The following EBF1 variants were observed in gnomAD, a reference collection of about 807,000 sequenced individuals.
EBF1 encodes EBF transcription factor 1, also known as transcription factor COE1.
EBF1 carries 10 observed loss-of-function variants against 68.4 expected under a neutral mutation model. The ratio of observed to expected loss-of-function variants is 0.15; its 90% CI spans 0.09 to 0.25. The LOEUF is 0.25. EBF1 is among the 10% of genes least tolerant of loss of function. EBF1 has a pLI of 1.00. For synonymous variants in EBF1, 298 were observed against 299.8 expected (o/e 0.99, Z 0.06); for missense variants, 509 against 794.4 (o/e 0.64, Z 4.32).
At chr5:158,998,081 T>C (rs1441343104) in intron 6 of EBF1, among the ~76,000 whole-genome samples, 1 of 152,126 alleles carries the variant, frequency 6.6e-6, no homozygotes, top group East Asian at 1.9e-4. Context: ...TCCCATCAAT[T>C]AGGACAGCCA....
intron 6 of EBF1, among the ~76,000 whole-genome samples, chr5:158,867,648 A>G (rs951818433): frequency 8.7e-5 from 8 of 92,304 alleles, no homozygotes; most frequent in Non-Finnish European, 1.6e-4. Context: ...AGGGCAGACA[A>G]TTCTCACCTG....
chr5:159,051,601 T>G (rs1034001994), intron 6 of EBF1, among the ~76,000 whole-genome samples: 27 of 151,542 alleles, frequency 1.8e-4, no homozygotes, highest in Middle Eastern at 3.4e-3. Context: ...GGCTCGGTGC[T>G]CCGCTGCCCA....
At chr5:158,917,365 C>T (rs554755447) in intron 6 of EBF1, among the ~76,000 whole-genome samples, 8 of 152,260 alleles carry the variant, frequency 5.3e-5, no homozygotes, top group African/African-American at 1.7e-4. Context: ...TTATAACACT[C>T]GGAGGATTTC....
At chr5:158,714,517 G>T (rs755512536) in intron 11 of EBF1, among the ~76,000 whole-genome samples, 8 of 152,176 alleles carry the variant, frequency 5.3e-5, no homozygotes, top group Non-Finnish European at 2.9e-5. Context: ...TTCAGTCGTG[G>T]TATGAATCCC....
At chr5:158,814,616 G>A (rs901242933) in intron 8 of EBF1, among the ~76,000 whole-genome samples, 1 of 152,070 alleles carries the variant, frequency 6.6e-6, no homozygotes. Flanking sequence ...CTAGCATGAG[G>A]TTTACAAACT....
chr5:159,048,516 T>C (rs1772901316), intron 6 of EBF1, among the ~76,000 whole-genome samples: 1 of 152,220 alleles, frequency 6.6e-6, no homozygotes, highest in Non-Finnish European at 1.5e-5. Flanking sequence ...TAGCCTCTTG[T>C]ACTTCTGGAG....
At chr5:159,023,322 C>T (rs1343775415) in intron 6 of EBF1, among the ~76,000 whole-genome samples, 4 of 152,054 alleles carry the variant, frequency 2.6e-5, no homozygotes, top group Non-Finnish European at 5.9e-5. Flanking sequence ...TTATGAAAAA[C>T]AAATTGTGCC....
chr5:158,727,576 A>C (rs971144610), intron 11 of EBF1, among the ~76,000 whole-genome samples: 1 of 152,246 alleles, frequency 6.6e-6, no homozygotes, highest in African/African-American at 2.4e-5. Context: ...GCTGTGATTT[A>C]AAAACCTTAG....
chr5:159,098,248 G>C (rs1441714646), intron 1 of EBF1, among the ~76,000 whole-genome samples: 1 of 152,244 alleles, frequency 6.6e-6, no homozygotes, highest in African/African-American at 2.4e-5. Context: ...GCCTGGGAAA[G>C]AGCCTTGGGT....
intron 6 of EBF1, among the ~76,000 whole-genome samples, chr5:158,985,492 T>C (rs1171067608): frequency 6.6e-6 from 1 of 152,228 alleles, no homozygotes; most frequent in African/African-American, 2.4e-5. Context: ...GAAATTCTAA[T>C]ATAAGTCCAG....
At chr5:158,921,830 A>G (rs1192638653) in intron 6 of EBF1, among the ~76,000 whole-genome samples, 1 of 152,246 alleles carries the variant, frequency 6.6e-6, no homozygotes, top group Non-Finnish European at 1.5e-5. Flanking sequence ...ACATGGCCAG[A>G]ACCTGGGGAA....
chr5:158,836,007 C>T (rs925946130), intron 7 of EBF1, among the ~76,000 whole-genome samples: 21 of 152,270 alleles, frequency 1.4e-4, no homozygotes, highest in African/African-American at 4.8e-4. Flanking sequence ...CATTTATACA[C>T]GTGAACATGG....
At position 158,697,272 on chromosome 5, in the gene EBF1, ATT is replaced by A. The variant is rs34258322; in HGVS notation, c.*1837_*1838del. On this transcript the variant is annotated 3_prime_UTR_variant, in exon 16 of 16. Transcript: ENST00000313708. The stretch of plus-strand genomic sequence containing the variant: ...AATACTACAAGAATAATATGCTACT[ATT>A]TTTTTTTTTTTGCCATATATTGGAA... 1,576 of 175,600 alleles carry A rather than the reference ATT, an allele frequency of 9.0e-3. 8 individuals are homozygous for A. The highest frequency in any genetic ancestry group is 0.036 in the East Asian group (365 of 10,020). 10.9% of individuals were successfully genotyped at this position (175,600 alleles called of 1,614,324 possible). A position where few individuals can be genotyped will look rare whatever the true frequency, so the allele number is the denominator to read the frequency against.
intron 6 of EBF1, among the ~76,000 whole-genome samples, chr5:158,875,018 C>T (rs1248332469): frequency 6.7e-6 from 1 of 149,018 alleles, no homozygotes; most frequent in African/African-American, 2.5e-5. Flanking sequence ...CAGAATGAAT[C>T]ATGGAGAGAT....
intron 6 of EBF1, among the ~76,000 whole-genome samples, chr5:158,921,685 G>A (rs1483023638): frequency 6.6e-6 from 1 of 152,184 alleles, no homozygotes; most frequent in South Asian, 2.1e-4. Flanking sequence ...GGAGCTTGTA[G>A]AGATGTACCA....
chr5:158,801,771 C>T (rs1780634672), intron 8 of EBF1, among the ~76,000 whole-genome samples: 1 of 151,984 alleles, frequency 6.6e-6, no homozygotes, highest in South Asian at 2.1e-4. Context: ...TTTGCTATCA[C>T]CTACTCTATC....
chr5:158,713,782 A>G (rs1354463803), intron 12 of EBF1, among the ~76,000 whole-genome samples: 1 of 152,192 alleles, frequency 6.6e-6, no homozygotes, highest in Non-Finnish European at 1.5e-5. Flanking sequence ...GAAAAAATTA[A>G]ACCCTCTTTC....
In EBF1 at chr5:158,859,530, T is replaced by C. The variant is rs544720131; in HGVS notation, c.555-19420A>G. Among the ~76,000 whole-genome samples the C allele has an allele frequency of 1.3e-3, 195 of 152,340 alleles. 1 individual carries two copies. The highest frequency in any genetic ancestry group is 3.4e-3 in the Middle Eastern group (1 of 294). On this transcript the variant is annotated intron_variant, in intron 6 of 15. Transcript: ENST00000313708. ...ATGGCTTCATTTGGCTGTGAACACC[T>C]AGAAGGGGTCAAGAGGGTTGAGGCT... is the stretch of plus-strand genomic sequence containing the variant.
At chr5:159,018,606 G>A (rs1766068680) in intron 6 of EBF1, among the ~76,000 whole-genome samples, 1 of 152,124 alleles carries the variant, frequency 6.6e-6, no homozygotes, top group East Asian at 1.9e-4. Context: ...AGTGAGAATC[G>A]ACTGTGATGA....
Sources: allele counts gnomAD v4.1 joint callset (sites outside exome capture counted in the v4.1 genomes callset), GRCh38; gene constraint gnomAD v4.1.1; transcripts MANE v1.5; gene names NCBI Gene and HGNC (gene_info 2026-07-23, HGNC 2026-07-21).